Variants in EIF2AK3 observed in about 807,000 individuals in gnomAD.
The protein encoded by EIF2AK3 is eukaryotic translation initiation factor 2-alpha kinase 3.
In EIF2AK3, 50 loss-of-function variants were observed where a neutral mutation model predicts 113.5. That is an observed-to-expected ratio of 0.44 (90% CI 0.35 to 0.56). The LOEUF (loss-of-function observed/expected upper bound fraction) is 0.56, where lower values mean the gene tolerates loss of function less well. Among genes scored for constraint, EIF2AK3 ranks in the 20% least tolerant of loss-of-function variants. The pLI is 0.00. For missense variants in EIF2AK3, 1,185 were observed against 1,378.0 expected (o/e 0.86, Z 2.22); for synonymous variants, 448 against 495.4 (o/e 0.90, Z 1.27).
chr2:88,623,418 G>C (rs1034530809), intron 1 of EIF2AK3, among the ~76,000 whole-genome samples: 5 of 152,168 alleles, frequency 3.3e-5, no homozygotes, highest in African/African-American at 4.8e-5. Flanking sequence ...TTGATATGCA[G>C]AGTAAGCACT....
intron 1 of EIF2AK3, among the ~76,000 whole-genome samples, chr2:88,622,411 A>C (rs1675748278): frequency 6.6e-6 from 1 of 152,230 alleles, no homozygotes; most frequent in African/African-American, 2.4e-5. Context: ...GAGTAAAGAG[A>C]CACGCTGAAG....
At chr2:88,591,789 T>C (rs1427042670) in intron 4 of EIF2AK3, among the ~76,000 whole-genome samples, 2 of 152,204 alleles carry the variant, frequency 1.3e-5, no homozygotes, top group Admixed American at 1.3e-4. Flanking sequence ...TAAAGAATCA[T>C]GGATCTTAGA....
In EIF2AK3 at chr2:88,583,430, C is replaced by T. The variant is rs121908569; in HGVS notation, c.1763G>A (p.Arg588Gln). Residue 588 changes from arginine to glutamine, a missense_variant and splice_region_variant, in exon 10 of 17, where the codon CGA becomes CAA. Around this residue, in one of 3 missense-constraint regions of EIF2AK3, gnomAD observed 877 missense variants for 1,024.2 expected, o/e 0.86. Transcript: ENST00000303236. ...NDIKNSGYIS[R>Q]YLTDFEPIQC... ...TGGTTGTATTTTATAAGACTCTTAC[C>T]GTGATATATATCCAGAGTTTTTTAT... 2 of 1,603,368 alleles carry T rather than the reference C, an allele frequency of 1.2e-6. No homozygotes were observed. The highest frequency in any genetic ancestry group is 1.1e-5 in the South Asian group (1 of 90,744).
chr2:88,572,569 G>A (rs1674340632), intron 13 of EIF2AK3, among the ~76,000 whole-genome samples: 1 of 152,132 alleles, frequency 6.6e-6, no homozygotes, highest in South Asian at 2.1e-4. Context: ...AACTCCAAAA[G>A]ACTTAAATAG....
Position 88,570,890 on chromosome 2 carries a change from T to C in EIF2AK3, c.2969A>G (p.Tyr990Cys). 2 of 1,614,190 alleles carry C rather than the reference T, an allele frequency of 1.2e-6. No homozygotes were observed. The highest frequency in any genetic ancestry group is 2.2e-5 in the East Asian group (1 of 44,874). ...RHTGQVGTKL[Y>C]MSPEQIHGNS... ...AAAACTCACCTGCTCTGGGCTCATA[T>C]ACAGTTTGGTCCCTACTTGTCCTGT... The change falls in exon 14 of 17, where the codon TAT becomes TGT. Residue 990 changes from tyrosine (Y) to cysteine (C), a missense_variant. By Grantham distance (194) the Tyr-to-Cys change is radical. Around this residue, in one of 3 missense-constraint regions of EIF2AK3, gnomAD observed 877 missense variants for 1,024.2 expected, o/e 0.86. Coordinates refer to ENST00000303236, the MANE Select transcript of EIF2AK3 (RefSeq NM_004836.7).
chr2:88,601,656 AATGATGTT>A (rs1675150433), intron 2 of EIF2AK3, among the ~76,000 whole-genome samples: 1 of 152,076 alleles, frequency 6.6e-6, no homozygotes, highest in Non-Finnish European at 1.5e-5. Flanking sequence ...CCCCACTTTT[AATGATGTT>A]ACTATCAATC....
intron 13 of EIF2AK3, among the ~76,000 whole-genome samples, chr2:88,572,411 T>C (rs1165188212): frequency 1.3e-5 from 2 of 152,238 alleles, no homozygotes; most frequent in African/African-American, 4.8e-5. Context: ...AAGGCATCCA[T>C]GCTCTAAAAG....
chr2:88,557,982 C>T, intron 16 of EIF2AK3, 46 bp from the exon 17 acceptor site: 1 of 1,578,652 alleles, frequency 6.3e-7, no homozygotes, highest in Non-Finnish European at 8.7e-7. Context: ...CAGGTTTGAT[C>T]ACTGTACAGT....
At chr2:88,579,719 T>C in intron 10 of EIF2AK3, 79 bp from the exon 11 acceptor site, 1 of 1,350,922 alleles carries the variant, frequency 7.4e-7, no homozygotes. Flanking sequence ...TTCAATCTTA[T>C]GACACATAAA....
In EIF2AK3 at chr2:88,557,901, G is replaced by A. The variant is rs1353004721; in HGVS notation, c.3186C>T (p.Pro1062=). The A allele has an allele frequency of 4.3e-6, 7 of 1,613,984 alleles. No individual in the cohort carries two copies. The highest frequency in any genetic ancestry group is 5.9e-6 in the Non-Finnish European group (7 of 1,179,984). Residue 1062 remains proline, a synonymous_variant, in exon 17 of 17, where the codon CCC becomes CCT. Transcript: ENST00000303236. The part of the protein sequence containing the change: ...VMVQDMLSPS[P]MERPEAINII... ...TGTTTATAGCTTCAGGTCGTTCCATGGGGGATGGAGAGAGCATGTCTTGAA... is the reference window on the plus strand; with the variant it reads ...TGTTTATAGCTTCAGGTCGTTCCATAGGGGATGGAGAGAGCATGTCTTGAA...
At chr2:88,609,945 CAAAAAAAAAA>C (rs71378880) in intron 2 of EIF2AK3, among the ~76,000 whole-genome samples, 27 of 38,800 alleles carry the variant, frequency 7.0e-4, no homozygotes, top group Non-Finnish European at 4.4e-4. Context: ...TCCATCTCTA[CAAAAAAAAAA>C]AAAAAAAAAA....
At chr2:88,562,189 C>T (rs1673984292) in intron 15 of EIF2AK3, 100 bp downstream of exon 15, 5 of 896,062 alleles carry the variant, frequency 5.6e-6, no homozygotes, top group Non-Finnish European at 7.3e-6. Flanking sequence ...GTTAACCAAT[C>T]TGCTGGTATT....
intron 2 of EIF2AK3, among the ~76,000 whole-genome samples, chr2:88,606,877 G>C (rs1675292305): frequency 6.6e-6 from 1 of 152,114 alleles, no homozygotes; most frequent in Non-Finnish European, 1.5e-5. Context: ...GGTGTCCCTT[G>C]GGGAGAAACA....
intron 2 of EIF2AK3, among the ~76,000 whole-genome samples, chr2:88,606,079 A>G (rs1341116424): frequency 6.6e-6 from 1 of 152,224 alleles, no homozygotes; most frequent in Non-Finnish European, 1.5e-5. Flanking sequence ...AGTACTCAAG[A>G]GCAGAGAAAT....
chr2:88,606,308 T>G (rs4972059), intron 2 of EIF2AK3, among the ~76,000 whole-genome samples: 1 of 150,380 alleles, frequency 6.6e-6, no homozygotes, highest in African/African-American at 2.4e-5. Flanking sequence ...CCTAAAAAAA[T>G]AAAATAAAAA....
chr2:88,589,187 A>T (rs1361629490), intron 6 of EIF2AK3, among the ~76,000 whole-genome samples: 3 of 152,174 alleles, frequency 2.0e-5, no homozygotes, highest in African/African-American at 4.8e-5. Context: ...AAGTCACTGT[A>T]CTCTCACAAA....
chr2:88,589,947 T>C (rs770180044), intron 6 of EIF2AK3, among the ~76,000 whole-genome samples: 7 of 152,132 alleles, frequency 4.6e-5, no homozygotes, highest in Non-Finnish European at 7.4e-5. Flanking sequence ...ATTAAAAATT[T>C]CAGAATTGGG....
chr2:88,595,067 C>T (rs776828093), intron 3 of EIF2AK3, among the ~76,000 whole-genome samples: 1 of 149,892 alleles, frequency 6.7e-6, no homozygotes, highest in African/African-American at 2.5e-5. Context: ...GTGGCATGTG[C>T]CTGTAATCCT....
intron 2 of EIF2AK3, 139 bp from the exon 3 acceptor site, chr2:88,595,802 C>T (rs1245474019): frequency 3.4e-6 from 3 of 869,718 alleles, no homozygotes; most frequent in African/African-American, 3.3e-5. Context: ...CTGATGTACT[C>T]CAGCCTCCTT....
Sources: gnomAD v4.1 joint callset for allele counts (sites outside exome capture counted in the v4.1 genomes callset) on GRCh38, gnomAD v4.1.1 for gene constraint, gnomAD v4.1.1 regional missense constraint, MANE v1.5 for transcripts, NCBI Gene and HGNC (gene_info 2026-07-23, HGNC 2026-07-21) for gene names.